SNTA1: variants seen among roughly 807,000 people sequenced by gnomAD.
SNTA1 encodes syntrophin alpha 1.
In SNTA1, 31 loss-of-function variants were observed where a neutral mutation model predicts 47.1. The observed-to-expected ratio is 0.66, with a 90% CI of 0.49 to 0.89. The LOEUF (loss-of-function observed/expected upper bound fraction) is 0.89. Among genes scored for constraint, SNTA1 ranks in the 40% least tolerant of loss-of-function variants. The pLI is 0.00. For missense variants in SNTA1, 575 were observed against 693.0 expected (o/e 0.83, Z 1.91); for synonymous variants, 300 against 313.6 (o/e 0.96, Z 0.46).
At chr20:33,412,186 C>A in intron 5 of SNTA1, 110 bp downstream of exon 5, 1 of 1,242,676 alleles carries the variant, frequency 8.0e-7, no homozygotes, top group Non-Finnish European at 1.1e-6. Context: ...TTCAGGTCAC[C>A]TGGGGAATAG....
chr20:33,423,702 A>G (rs1008754625), intron 2 of SNTA1, among the ~76,000 whole-genome samples: 7 of 152,240 alleles, frequency 4.6e-5, no homozygotes, highest in South Asian at 2.1e-4. Context: ...CAGGCCCAGT[A>G]TAAGTGGACT....
Position 33,438,897 on chromosome 20 carries a change from G to T in SNTA1, c.440C>A (p.Thr147Asn), listed in dbSNP as rs141724500. The T allele has an allele frequency of 1.1e-4, 182 of 1,614,106 alleles. No homozygotes were observed. In the African/African-American group the frequency reaches 2.4e-3, roughly 21 times the overall value. ...GAGGACCTGCACCGCCTCATCATGG[G>T]TAGCAGAGGACAAGTCTTCCCCATT... is the stretch of plus-strand genomic sequence containing the variant. Reference protein sequence around the residue: ...SVNGEDLSSATHDEAVQVLKK... With the variant: ...SVNGEDLSSANHDEAVQVLKK... Residue 147 changes from threonine to asparagine, a missense_variant, in exon 2 of 8, where the codon ACC becomes AAC. Coordinates refer to ENST00000217381, the MANE Select transcript of SNTA1 (RefSeq NM_003098.3).
intron 2 of SNTA1, among the ~76,000 whole-genome samples, chr20:33,437,826 G>A (rs779727316): frequency 2.0e-5 from 3 of 152,238 alleles, no homozygotes; most frequent in Non-Finnish European, 4.4e-5. Flanking sequence ...GCACAAGATG[G>A]TCATGGGACA....
At chr20:33,426,067 C>G (rs1463637737) in intron 2 of SNTA1, among the ~76,000 whole-genome samples, 2 of 151,038 alleles carry the variant, frequency 1.3e-5, no homozygotes, top group Non-Finnish European at 2.9e-5. Flanking sequence ...CAGAGCAAGA[C>G]TCCGTCTCAA....
chr20:33,440,767 G>A (rs999648950), intron 1 of SNTA1, among the ~76,000 whole-genome samples: 1 of 151,616 alleles, frequency 6.6e-6, no homozygotes, highest in Non-Finnish European at 1.5e-5. Context: ...GCAGTGAGCC[G>A]AGATCGCACC....
intron 2 of SNTA1, among the ~76,000 whole-genome samples, chr20:33,431,427 G>A (rs1451394882): frequency 3.9e-5 from 6 of 151,926 alleles, no homozygotes; most frequent in African/African-American, 1.5e-4. Flanking sequence ...CTAATTCACA[G>A]GGATGACATT....
chr20:33,435,932 C>T (rs908531386), intron 2 of SNTA1, among the ~76,000 whole-genome samples: 5 of 151,990 alleles, frequency 3.3e-5, no homozygotes, highest in African/African-American at 9.7e-5. Context: ...CGGTGGCTCA[C>T]GCGTGTAATC....
At chr20:33,427,264 C>T (rs1341828357) in intron 2 of SNTA1, among the ~76,000 whole-genome samples, 2 of 151,958 alleles carry the variant, frequency 1.3e-5, no homozygotes, top group Non-Finnish European at 2.9e-5. Flanking sequence ...GATTTGAATC[C>T]AGGCCCCGTA....
In SNTA1 at chr20:33,412,278, G is replaced by A; in HGVS notation, c.1040+18C>T. 1 of 1,606,930 alleles carries A rather than the reference G, an allele frequency of 6.2e-7. No homozygotes were observed. Among genetic ancestry groups the A allele is most frequent in the Non-Finnish European group, 8.5e-7 (1 of 1,178,390 alleles). ...TGGCAAGTTCTGGGGGAGACATACTGCCCCTGCCTGTGGGTACCTGGTGGC... is the reference window on the plus strand; with the variant it reads ...TGGCAAGTTCTGGGGGAGACATACTACCCCTGCCTGTGGGTACCTGGTGGC... On this transcript the variant is annotated intron_variant, in intron 5 of 7. Transcript: ENST00000217381.
At chr20:33,415,097 C>T (rs1167962369) in intron 3 of SNTA1, among the ~76,000 whole-genome samples, 1 of 149,884 alleles carries the variant, frequency 6.7e-6, no homozygotes, top group Non-Finnish European at 1.5e-5. Flanking sequence ...GGTACTCAGG[C>T]ATGTACATGT....
intron 3 of SNTA1, among the ~76,000 whole-genome samples, chr20:33,416,171 G>C (rs1292987221): frequency 6.6e-6 from 1 of 152,200 alleles, no homozygotes; most frequent in African/African-American, 2.4e-5. Flanking sequence ...ACCAGTTTTT[G>C]CCTCATGGGG....
chr20:33,436,428 C>A (rs543084758), intron 2 of SNTA1, among the ~76,000 whole-genome samples: 5 of 152,226 alleles, frequency 3.3e-5, no homozygotes, highest in African/African-American at 1.2e-4. Flanking sequence ...TGGGGAAAGT[C>A]TCTTATATCC....
chr20:33,440,677 G>T (rs563041921), intron 1 of SNTA1, among the ~76,000 whole-genome samples: 67 of 152,134 alleles, frequency 4.4e-4, no homozygotes, highest in Non-Finnish European at 4.4e-5. Context: ...AATTAGCCAG[G>T]CATGGCGGTG....
chr20:33,413,691 A>C (rs894248237), intron 3 of SNTA1, among the ~76,000 whole-genome samples: 6 of 148,458 alleles, frequency 4.0e-5, no homozygotes, highest in African/African-American at 1.5e-4. Flanking sequence ...ACTTCGGGAG[A>C]CTGAGCCAGG....
At chr20:33,425,474 A>G (rs1038802650) in intron 2 of SNTA1, among the ~76,000 whole-genome samples, 1 of 152,046 alleles carries the variant, frequency 6.6e-6, no homozygotes, top group African/African-American at 2.4e-5. Context: ...CAGCTTGGGC[A>G]ACATAGCGAA....
intron 2 of SNTA1, among the ~76,000 whole-genome samples, chr20:33,434,982 C>CTTTTTTTT (rs11475592): frequency 3.6e-5 from 2 of 55,186 alleles, no homozygotes; most frequent in African/African-American, 7.0e-5. Context: ...CAGGCACCAG[C>CTTTTTTTT]TTTTTTTTTT....
chr20:33,441,323 C>T lies in SNTA1; in HGVS notation c.310+1988G>A, dbSNP rs144436475. 2.7e-3 allele frequency among the ~76,000 whole-genome samples: 418 copies of T among 152,312 alleles called. 2 individuals carry two copies. The highest frequency in any genetic ancestry group is 7.1e-3 in the Admixed American group (109 of 15,292). On this transcript the variant is annotated intron_variant, in intron 1 of 7. Transcript: ENST00000217381. ...TCCAGAACCAACACTATTAGCCCTACCACAGACGACAAGTCAGGCCCTCAG... is the reference window on the plus strand; with the variant it reads ...TCCAGAACCAACACTATTAGCCCTATCACAGACGACAAGTCAGGCCCTCAG...
In SNTA1 at chr20:33,438,923, C is replaced by A. The variant is rs1322304796; in HGVS notation, c.414G>T (p.Val138=). 4 of 1,614,166 alleles carry A rather than the reference C, an allele frequency of 2.5e-6. No homozygotes were observed. In the Admixed American group the frequency reaches 6.7e-5, roughly 27 times the overall value. ...ALFVGDAILS[V]NGEDLSSATH... ...TAGCAGAGGACAAGTCTTCCCCATT[C>A]ACAGACAGGATGGCATCCCCCACAA... The change falls in exon 2 of 8, where the codon GTG becomes GTT. Residue 138 remains valine (V), a synonymous_variant. Coordinates refer to ENST00000217381, the MANE Select transcript of SNTA1 (RefSeq NM_003098.3).
intron 2 of SNTA1, among the ~76,000 whole-genome samples, chr20:33,427,648 C>T (rs1990200087): frequency 6.6e-6 from 1 of 152,190 alleles, no homozygotes; most frequent in African/African-American, 2.4e-5. Context: ...TTTGACCTAA[C>T]AGCAACCCTT....
Sources: gnomAD v4.1 joint callset for allele counts (sites outside exome capture counted in the v4.1 genomes callset) on GRCh38, gnomAD v4.1.1 for gene constraint, MANE v1.5 for transcripts, NCBI Gene and HGNC (gene_info 2026-07-23, HGNC 2026-07-21) for gene names.